SHISA9: variants seen among roughly 807,000 people sequenced by gnomAD.
The protein encoded by SHISA9 is shisa family member 9, also known as protein shisa-9.
In SHISA9, 13 loss-of-function variants were observed where a neutral mutation model predicts 38.0. The ratio of observed to expected loss-of-function variants is 0.34; its 90% CI spans 0.22 to 0.54. The LOEUF is 0.54. Among genes scored for constraint, SHISA9 ranks in the 20% least tolerant of loss-of-function variants. The probability of loss-of-function intolerance (pLI) is 0.91; values close to 1 mark genes in which losing one functional copy is unlikely to be tolerated. For missense variants in SHISA9, 538 were observed against 575.8 expected, an observed-to-expected ratio of 0.93 and a Z score of 0.67; for synonymous variants, 275 against 242.0, an observed-to-expected ratio of 1.14 and a Z score of -1.27.
chr16:13,176,667 A>G (rs1447404707), intron 2 of SHISA9, among the ~76,000 whole-genome samples: 1 of 151,526 alleles, frequency 6.6e-6, no homozygotes, highest in African/African-American at 2.4e-5. Flanking sequence ...TGCCCATTCC[A>G]TCTCTGAGCT....
chr16:13,066,998 A>T (rs1185260168), intron 2 of SHISA9, among the ~76,000 whole-genome samples: 1 of 151,854 alleles, frequency 6.6e-6, no homozygotes, highest in Non-Finnish European at 1.5e-5. Flanking sequence ...TATCATCAAG[A>T]TCCCCTAGAG....
At chr16:12,991,011 A>G (rs2072378481) in intron 2 of SHISA9, among the ~76,000 whole-genome samples, 1 of 152,140 alleles carries the variant, frequency 6.6e-6, no homozygotes, top group Admixed American at 6.5e-5. Flanking sequence ...AACAGAATCT[A>G]TTTCACCCCA....
chr16:13,469,314 G>GAA, the SHISA9 span, among the ~76,000 whole-genome samples: 12 of 106,528 alleles, frequency 1.1e-4, no homozygotes, highest in East Asian at 8.2e-4. Flanking sequence ...GAGAGAGAGA[G>GAA]AGAGAGAGAA....
At chr16:13,523,587 T>C in the SHISA9 span, among the ~76,000 whole-genome samples, 1 of 152,140 alleles carries the variant, frequency 6.6e-6, no homozygotes, top group Non-Finnish European at 1.5e-5. Context: ...GGAGCAGGCA[T>C]GTCACATGGA....
chr16:13,067,198 G>T (rs866913612), intron 2 of SHISA9, among the ~76,000 whole-genome samples: 15 of 152,204 alleles, frequency 9.9e-5, no homozygotes, highest in African/African-American at 3.1e-4. Flanking sequence ...GCCCAGTACT[G>T]GGTGTGGGAT....
chr16:12,944,094 C>T (rs548531376), intron 2 of SHISA9, among the ~76,000 whole-genome samples: 1 of 152,202 alleles, frequency 6.6e-6, no homozygotes, highest in South Asian at 2.1e-4. Flanking sequence ...TTATGATAAC[C>T]AAATATGTCT....
the SHISA9 span, among the ~76,000 whole-genome samples, chr16:13,437,752 G>A: frequency 6.6e-6 from 1 of 151,974 alleles, no homozygotes; most frequent in Non-Finnish European, 1.5e-5. Flanking sequence ...GACTCATGGG[G>A]AAAGGGATCC....
chr16:13,444,982 C>CTATATATATATATATA, the SHISA9 span, among the ~76,000 whole-genome samples: 38 of 106,308 alleles, frequency 3.6e-4, no homozygotes, highest in African/African-American at 5.8e-4. Context: ...CCATGCCTAG[C>CTATATATATATATATA]TATATATATA....
the SHISA9 span, among the ~76,000 whole-genome samples, chr16:13,454,872 A>G: frequency 6.6e-6 from 1 of 152,182 alleles, no homozygotes; most frequent in Admixed American, 6.5e-5. Flanking sequence ...TTACAAACTC[A>G]TTAGCGGAGG....
intron 2 of SHISA9, among the ~76,000 whole-genome samples, chr16:13,070,008 C>A (rs566370846): frequency 6.6e-6 from 1 of 152,020 alleles, no homozygotes; most frequent in Non-Finnish European, 1.5e-5. Flanking sequence ...GGTGTTTTGT[C>A]GTAGCAGCTC....
At position 13,210,725 on chromosome 16, in the gene SHISA9, G is replaced by T. The variant is rs1217661339; in HGVS notation, c.848-2528G>T. ...TCATAAACAGCACACCTCTGAGGGA[G>T]GCATCAGTACCCCCCGTTTTGCAGA... On this transcript the variant is annotated intron_variant, in intron 3 of 4. Coordinates refer to ENST00000558583, the MANE Select transcript of SHISA9 (RefSeq NM_001145204.3). Among the ~76,000 whole-genome samples the T allele has an allele frequency of 3.3e-5, 5 of 152,304 alleles. No homozygotes were observed. In the East Asian group the frequency reaches 9.7e-4, roughly 29 times the overall value.
At chr16:13,291,089 G>T in the SHISA9 span, among the ~76,000 whole-genome samples, 1 of 152,150 alleles carries the variant, frequency 6.6e-6, no homozygotes. Context: ...CAGTTGACTG[G>T]CTGCTGTGTG....
the SHISA9 span, among the ~76,000 whole-genome samples, chr16:13,362,336 G>A: frequency 1.3e-5 from 2 of 152,084 alleles, no homozygotes; most frequent in South Asian, 2.1e-4. Flanking sequence ...TTGGGAGGTT[G>A]AGGATGACTC....
rs925470445 is a variant in SHISA9, at chr16:13,237,710, G to T, written c.*2301G>T. Reference sequence around the variant, plus strand: ...ATCTTTCAAAGAACGCATAATAGGAGATCTCCATGTATAAAAAGGTACCAT... The same window carrying T: ...ATCTTTCAAAGAACGCATAATAGGATATCTCCATGTATAAAAAGGTACCAT... On this transcript the variant is annotated 3_prime_UTR_variant, in exon 5 of 5. Transcript: ENST00000558583. 2 of 148,988 alleles carry T rather than the reference G, an allele frequency of 1.3e-5. No individual in the cohort carries two copies. The highest frequency in any genetic ancestry group is 4.9e-5 in the African/African-American group (2 of 40,534). 9.2% of individuals were successfully genotyped at this position (148,988 alleles called of 1,614,324 possible).
intron 3 of SHISA9, chr16:13,204,960 C>T (rs1014332276): frequency 2.6e-5 from 4 of 152,198 alleles, no homozygotes; most frequent in South Asian, 2.1e-4. Context: ...ACTGAGGCTC[C>T]TGAACAGTTT....
the SHISA9 span, among the ~76,000 whole-genome samples, chr16:13,464,645 C>A: frequency 6.6e-6 from 1 of 152,052 alleles, no homozygotes; most frequent in African/African-American, 2.4e-5. Flanking sequence ...TTAGAGCAAC[C>A]GGAAATTTTC....
At position 13,132,413 on chromosome 16, in the gene SHISA9, T is replaced by C. The variant is rs902141812; in HGVS notation, c.692-70981T>C. On this transcript the variant is annotated intron_variant, in intron 2 of 4. Coordinates refer to ENST00000558583, the MANE Select transcript of SHISA9 (RefSeq NM_001145204.3). ...CTTCATGTATTTACTGCTTTTAAACTTCAATGCCTCTAACTCAGAATTTTC... is the reference window on the plus strand; with the variant it reads ...CTTCATGTATTTACTGCTTTTAAACCTCAATGCCTCTAACTCAGAATTTTC... 1.1e-4 allele frequency among the ~76,000 whole-genome samples: 17 copies of C among 152,212 alleles called. 1 individual carries two copies. The highest frequency in any genetic ancestry group is 9.8e-4 in the Admixed American group (15 of 15,282).
At chr16:13,112,854 G>C (rs2073993203) in intron 2 of SHISA9, among the ~76,000 whole-genome samples, 1 of 151,954 alleles carries the variant, frequency 6.6e-6, no homozygotes, top group South Asian at 2.1e-4. Flanking sequence ...ACTAAATCCG[G>C]TGTCACTTAG....
At chr16:13,200,282 A>G (rs1005534460) in intron 2 of SHISA9, among the ~76,000 whole-genome samples, 3 of 152,032 alleles carry the variant, frequency 2.0e-5, no homozygotes, top group African/African-American at 7.3e-5. Context: ...TTTATCCTTT[A>G]TCGCCACTTG....
Sources: allele counts gnomAD v4.1 joint callset (sites outside exome capture counted in the v4.1 genomes callset), GRCh38; gene constraint gnomAD v4.1.1; transcripts MANE v1.5; gene names NCBI Gene and HGNC (gene_info 2026-07-23, HGNC 2026-07-21).